Variants in KAT6A observed in about 807,000 individuals in gnomAD.
KAT6A encodes the protein lysine acetyltransferase 6A, also known as histone acetyltransferase KAT6A.
In KAT6A, 9 loss-of-function variants were observed where a neutral mutation model predicts 198.4. The observed-to-expected ratio is 0.05, with a 90% confidence interval of 0.03 to 0.08. The LOEUF (loss-of-function observed/expected upper bound fraction) is 0.08, where lower values mean the gene tolerates loss of function less well. KAT6A is among the 10% of genes least tolerant of loss of function. The pLI is 1.00. For synonymous variants in KAT6A, 890 were observed against 883.0 expected (o/e 1.01, Z -0.14); for missense variants, 2,077 against 2,509.9 (o/e 0.83, Z 3.69).
rs772528215 is a variant in KAT6A, at chr8:42,048,653, C to A, written c.325G>T (p.Gly109Cys). ...WNKLIKRAVE[G>C]LAESGGSTLK... ...GTTGAGCCACCAGACTCTGCCAAGC[C>A]CTCAACTGCCCGCTTTATCAGTTTA... The change falls in exon 2 of 17, where the codon GGC becomes TGC. Residue 109 changes from glycine to cysteine, a missense_variant. By Grantham distance (159) the Gly-to-Cys change is radical. Coordinates refer to ENST00000265713, the MANE Select transcript of KAT6A (RefSeq NM_006766.5). 3 of 1,614,114 alleles carry A rather than the reference C, an allele frequency of 1.9e-6. No homozygotes were observed. The highest frequency in any genetic ancestry group is 2.5e-6 in the Non-Finnish European group (3 of 1,180,046).
intron 15 of KAT6A, among the ~76,000 whole-genome samples, chr8:41,940,615 TTA>T (rs770980130): frequency 3.8e-4 from 58 of 152,180 alleles, no homozygotes; most frequent in Non-Finnish European, 7.2e-4. Context: ...TTAAATAAGC[TTA>T]TGATTTCTAA....
chr8:41,981,049 A>G (rs764979621), intron 4 of KAT6A, 122 bp from the exon 5 acceptor site: 31 of 715,666 alleles, frequency 4.3e-5, no homozygotes, highest in Non-Finnish European at 6.2e-5. Flanking sequence ...GCCAGGCGCA[A>G]TGGCTCACGC....
intron 2 of KAT6A, among the ~76,000 whole-genome samples, chr8:42,007,667 A>T (rs1180117951): frequency 6.6e-6 from 1 of 152,134 alleles, no homozygotes; most frequent in Non-Finnish European, 1.5e-5. Flanking sequence ...AAGTTCATTA[A>T]AATTTTTATT....
chr8:41,960,511 A>AC (rs1823155568), intron 8 of KAT6A, among the ~76,000 whole-genome samples: 1 of 151,496 alleles, frequency 6.6e-6, no homozygotes, highest in Non-Finnish European at 1.5e-5. Flanking sequence ...CGTCTCAAAA[A>AC]AAAAAAAAAA....
chr8:41,962,676 C>T (rs1173589706), intron 8 of KAT6A, among the ~76,000 whole-genome samples: 1 of 152,068 alleles, frequency 6.6e-6, no homozygotes, highest in Admixed American at 6.6e-5. Context: ...GCTCAAAACC[C>T]TCCCAGGGTT....
At chr8:41,958,657 T>C (rs1024162712) in intron 8 of KAT6A, among the ~76,000 whole-genome samples, 4 of 152,236 alleles carry the variant, frequency 2.6e-5, no homozygotes, top group African/African-American at 9.7e-5. Flanking sequence ...AAAGTATTAG[T>C]ACATATATGT....
chr8:42,025,661 T>C (rs1826776992), intron 2 of KAT6A, among the ~76,000 whole-genome samples: 1 of 152,230 alleles, frequency 6.6e-6, no homozygotes, highest in Non-Finnish European at 1.5e-5. Context: ...ATTAGTCCCT[T>C]GTTGGATGAA....
Position 41,930,026 on chromosome 8 carries a change from G to A in KAT6A, c.*2179C>T, listed in dbSNP as rs1292469495. 4 of 224,060 alleles carry A rather than the reference G, an allele frequency of 1.8e-5. No individual in the cohort carries two copies. Among genetic ancestry groups the A allele is most frequent in the African/African-American group, 8.9e-5 (4 of 44,772 alleles). 13.9% of individuals were successfully genotyped at this position (224,060 alleles called of 1,614,324 possible). A position where few individuals can be genotyped will look rare whatever the true frequency, so the allele number is the denominator to read the frequency against. Reference sequence around the variant, plus strand: ...GACAGGTACCAATATTACTGTGTTGGATAATTTCTTTTATAATATAGAAAA... The same window carrying A: ...GACAGGTACCAATATTACTGTGTTGAATAATTTCTTTTATAATATAGAAAA... On this transcript the variant is annotated 3_prime_UTR_variant, in exon 17 of 17. Coordinates refer to ENST00000265713, the MANE Select transcript of KAT6A (RefSeq NM_006766.5).
intron 8 of KAT6A, among the ~76,000 whole-genome samples, chr8:41,961,466 GA>G (rs1474989075): frequency 3.3e-5 from 5 of 152,132 alleles, no homozygotes; most frequent in East Asian, 1.9e-4. Flanking sequence ...AAAAGGGGGA[GA>G]GGGGTGTGTG....
intron 5 of KAT6A, among the ~76,000 whole-genome samples, chr8:41,980,154 G>T (rs1824277505): frequency 6.6e-6 from 1 of 152,072 alleles, no homozygotes; most frequent in Non-Finnish European, 1.5e-5. Context: ...AGTTAAAATG[G>T]AATTTGTGAT....
At chr8:41,977,528 C>A in intron 6 of KAT6A, 1 of 462,414 alleles carries the variant, frequency 2.2e-6, no homozygotes, top group South Asian at 4.5e-5. Context: ...AGGAAGCCTA[C>A]TTATAGTGCA....
chr8:41,943,119 C>T, intron 13 of KAT6A, 119 bp from the exon 14 acceptor site: 1 of 1,306,118 alleles, frequency 7.7e-7, no homozygotes, highest in Non-Finnish European at 1.0e-6. Flanking sequence ...AGATAGCCTG[C>T]CTGGGACGAT....
intron 8 of KAT6A, among the ~76,000 whole-genome samples, chr8:41,960,404 C>T (rs1406047006): frequency 6.8e-6 from 1 of 147,394 alleles, no homozygotes; most frequent in Non-Finnish European, 1.5e-5. Context: ...CCCGTCTCTA[C>T]TAAAAATACA....
At chr8:41,994,282 C>T (rs1825083880) in intron 2 of KAT6A, among the ~76,000 whole-genome samples, 2 of 152,202 alleles carry the variant, frequency 1.3e-5, no homozygotes, top group African/African-American at 4.8e-5. Context: ...CTGCCCCCAA[C>T]TCTCCAGTCC....
chr8:41,964,872 C>T (rs1401959538), intron 8 of KAT6A, among the ~76,000 whole-genome samples: 2 of 152,152 alleles, frequency 1.3e-5, no homozygotes, highest in Admixed American at 1.3e-4. Context: ...GCATGGTATG[C>T]ACCCTTCTGA....
intron 2 of KAT6A, among the ~76,000 whole-genome samples, chr8:42,009,259 C>G (rs1312254526): frequency 6.6e-6 from 1 of 152,028 alleles, no homozygotes; most frequent in Non-Finnish European, 1.5e-5. Flanking sequence ...AATAAAAGAA[C>G]AGGAACCATA....
intron 2 of KAT6A, among the ~76,000 whole-genome samples, chr8:41,999,993 G>C (rs566021079): frequency 6.6e-6 from 1 of 152,024 alleles, no homozygotes; most frequent in Non-Finnish European, 1.5e-5. Context: ...GCTTATTTTT[G>C]TTAACTGACT....
At chr8:41,957,428 G>C (rs1407450016) in intron 8 of KAT6A, 3 of 377,284 alleles carry the variant, frequency 8.0e-6, no homozygotes, top group African/African-American at 4.2e-5. Flanking sequence ...AAATCAAACT[G>C]TCATATCTGA....
chr8:41,989,525 C>T (rs1307310627), intron 2 of KAT6A, among the ~76,000 whole-genome samples: 1 of 146,284 alleles, frequency 6.8e-6, no homozygotes, highest in African/African-American at 2.5e-5. Context: ...AATAACATAA[C>T]GTAACGTGAC....
Sources: gnomAD v4.1 joint callset for allele counts (sites outside exome capture counted in the v4.1 genomes callset) on GRCh38, gnomAD v4.1.1 for gene constraint, MANE v1.5 for transcripts, NCBI Gene and HGNC (gene_info 2026-07-23, HGNC 2026-07-21) for gene names.